The following PRKN variants were observed in gnomAD, a reference collection of about 807,000 sequenced individuals.
The protein encoded by PRKN is E3 ubiquitin-protein ligase parkin.
A neutral mutation model predicts 59.5 loss-of-function variants in PRKN; 56 were observed. That is an observed-to-expected ratio of 0.94 (90% CI 0.76 to 1.18). The LOEUF is 1.18. Among genes scored for constraint, PRKN ranks in the 50% most tolerant of loss-of-function variants. The pLI is 0.00. For missense variants in PRKN, 657 were observed against 596.4 expected (o/e 1.10, Z -1.06); for synonymous variants, 250 against 222.1 (o/e 1.13, Z -1.12).
chr6:162,249,487 T>G (rs1246881296), intron 3 of PRKN, among the ~76,000 whole-genome samples: 1 of 152,186 alleles, frequency 6.6e-6, no homozygotes, highest in Non-Finnish European at 1.5e-5. Flanking sequence ...TCAGGTTTAC[T>G]ACCTGGCTAT....
At chr6:162,401,833 T>C (rs1311999378) in intron 2 of PRKN, among the ~76,000 whole-genome samples, 1 of 152,190 alleles carries the variant, frequency 6.6e-6, no homozygotes, top group East Asian at 1.9e-4. Flanking sequence ...ATAGAATTTA[T>C]CAAAATTGAG....
rs1789608528 is a variant in PRKN, at chr6:161,448,941, A to G, written c.1084-62064T>C. ...AGCCCAGTGTGTTCTCCCCAAGGTC[A>G]CATTAAAAAGGTGGTGCATCTGAGA... is the stretch of plus-strand genomic sequence containing the variant. On this transcript the variant is annotated intron_variant, in intron 9 of 11. Coordinates refer to ENST00000366898, the MANE Select transcript of PRKN (RefSeq NM_004562.3). The surrounding 1 kb of genome is among the most constrained non-coding windows in gnomAD (Gnocchi z 5.1). Among the ~76,000 whole-genome samples the G allele has an allele frequency of 6.6e-6, 1 of 152,222 alleles. No individual in the cohort carries two copies. The highest frequency in any genetic ancestry group is 2.1e-4 in the South Asian group (1 of 4,832).
intron 2 of PRKN, among the ~76,000 whole-genome samples, chr6:162,280,687 A>G (rs868179774): frequency 6.8e-6 from 1 of 147,216 alleles, no homozygotes; most frequent in South Asian, 2.3e-4. Flanking sequence ...GCTACTCGGG[A>G]GGCTGAGGGA....
chr6:161,586,608 A>G (rs868174329), intron 7 of PRKN, among the ~76,000 whole-genome samples: 1 of 152,236 alleles, frequency 6.6e-6, no homozygotes, highest in African/African-American at 2.4e-5. Flanking sequence ...CCACTGAAAA[A>G]AAAATTCTCT....
rs62435932 is a variant in PRKN, at chr6:161,407,213, A to T, written c.1084-20336T>A. Among the ~76,000 whole-genome samples the T allele has an allele frequency of 0.038, 5,758 of 152,310 alleles. 162 individuals are homozygous for T. The highest frequency in any genetic ancestry group is 0.061 in the Middle Eastern group (18 of 294). On this transcript the variant is annotated intron_variant, in intron 9 of 11. Transcript: ENST00000366898. This position sits in a 1 kb window ranked among gnomAD's most constrained non-coding sequence, Gnocchi z 4.9. ...AACAAAAAGTCATACCAAAATTATAACTGCTAAGAGAGATGTTAATGGTAA... is the reference window on the plus strand; with the variant it reads ...AACAAAAAGTCATACCAAAATTATATCTGCTAAGAGAGATGTTAATGGTAA...
At chr6:162,542,593 A>G (rs2846490) in intron 1 of PRKN, among the ~76,000 whole-genome samples, 66,873 of 151,996 alleles carry the variant, frequency 0.44, 17,015 homozygotes, top group Non-Finnish European at 0.58. Context: ...AACAGATCTG[A>G]GGCTCAAATC....
chr6:162,027,116 T>C (rs773896804), intron 5 of PRKN, among the ~76,000 whole-genome samples: 4 of 152,178 alleles, frequency 2.6e-5, no homozygotes, highest in Non-Finnish European at 5.9e-5. Flanking sequence ...CCCTCACTTA[T>C]GACCTCTCTA....
rs1346011135 is a variant in PRKN, at chr6:161,413,985, A to T, written c.1084-27108T>A. Among the ~76,000 whole-genome samples the T allele has an allele frequency of 1.3e-5, 2 of 152,222 alleles. No individual in the cohort carries two copies. Among genetic ancestry groups the T allele is most frequent in the East Asian group, 3.9e-4 (2 of 5,176 alleles). ...AAAGAGATGATAACTCCAGGAAGGA[A>T]GGGGTGCCTGAGAGAAGCAGCCAGG... is the stretch of plus-strand genomic sequence containing the variant. On this transcript the variant is annotated intron_variant, in intron 9 of 11. Transcript: ENST00000366898. This position sits in a 1 kb window ranked among gnomAD's most constrained non-coding sequence, Gnocchi z 4.4.
chr6:161,679,684 C>CCCT (rs531559048), intron 7 of PRKN, among the ~76,000 whole-genome samples: 4 of 84,890 alleles, frequency 4.7e-5, no homozygotes, highest in African/African-American at 8.2e-5. Context: ...ACCCCCCCCC[C>CCCT]TTTTTTTTTT....
Position 161,369,402 on chromosome 6 carries a change from G to A in PRKN, c.1168-9197C>T, listed in dbSNP as rs1338831506. Among the ~76,000 whole-genome samples, 2 of 152,140 alleles carry A rather than the reference G, an allele frequency of 1.3e-5. No homozygotes were observed. Among genetic ancestry groups the A allele is most frequent in the African/African-American group, 2.4e-5 (1 of 41,442 alleles). On this transcript the variant is annotated intron_variant, in intron 10 of 11. Coordinates refer to ENST00000366898, the MANE Select transcript of PRKN (RefSeq NM_004562.3). The surrounding 1 kb of genome is among the most constrained non-coding windows in gnomAD (Gnocchi z 5.8). ...GGGAACCATTCATCCTCTGGAGGGC[G>A]ATTCTCCCTTTGCGCCTGAAGAGGA...
intron 2 of PRKN, among the ~76,000 whole-genome samples, chr6:162,383,335 AC>A (rs1350757891): frequency 6.6e-6 from 1 of 152,194 alleles, no homozygotes; most frequent in African/African-American, 2.4e-5. Context: ...CTACAGAATG[AC>A]CGTTATGTTA....
At chr6:161,916,276 A>G (rs959169791) in intron 6 of PRKN, among the ~76,000 whole-genome samples, 4 of 152,236 alleles carry the variant, frequency 2.6e-5, no homozygotes, top group Non-Finnish European at 5.9e-5. Flanking sequence ...GAGAAACTTA[A>G]GAAGATGGGA....
chr6:161,600,367 C>A (rs1298766515), intron 7 of PRKN, among the ~76,000 whole-genome samples: 1 of 152,176 alleles, frequency 6.6e-6, no homozygotes, highest in Non-Finnish European at 1.5e-5. Flanking sequence ...CTGTTCAAAT[C>A]CATGCTTGCC....
intron 6 of PRKN, among the ~76,000 whole-genome samples, chr6:161,844,517 T>C (rs963794841): frequency 6.6e-6 from 1 of 152,246 alleles, no homozygotes; most frequent in African/African-American, 2.4e-5. Context: ...ATCTACTCTG[T>C]CCATATCCTG....
intron 1 of PRKN, among the ~76,000 whole-genome samples, chr6:162,592,721 C>T (rs1781358132): frequency 1.3e-5 from 2 of 151,972 alleles, no homozygotes; most frequent in African/African-American, 4.8e-5. Flanking sequence ...TCAACCTTGA[C>T]ACAACAGCTT....
chr6:161,567,037 T>TTTTTTG (rs548743646), intron 8 of PRKN, among the ~76,000 whole-genome samples: 78 of 103,788 alleles, frequency 7.5e-4, no homozygotes, highest in African/African-American at 2.8e-3. Flanking sequence ...TTTTTTTTTT[T>TTTTTTG]TGTGTGTGTG....
intron 10 of PRKN, among the ~76,000 whole-genome samples, chr6:161,384,028 G>T (rs572597681): frequency 2.6e-5 from 4 of 152,226 alleles, no homozygotes; most frequent in East Asian, 1.9e-4. Context: ...CTCCTGGGGG[G>T]GTCTAACTGC....
At chr6:161,860,976 T>C (rs1432168254) in intron 6 of PRKN, among the ~76,000 whole-genome samples, 4 of 152,202 alleles carry the variant, frequency 2.6e-5, no homozygotes, top group African/African-American at 7.2e-5. Flanking sequence ...TCTTACACTG[T>C]TGGTGGGAGT....
At chr6:162,461,116 G>A (rs1188376397) in intron 1 of PRKN, among the ~76,000 whole-genome samples, 1 of 151,954 alleles carries the variant, frequency 6.6e-6, no homozygotes, top group Non-Finnish European at 1.5e-5. Flanking sequence ...TGGTGACAGA[G>A]ATATTACAAC....
Sources: allele counts gnomAD v4.1 joint callset (sites outside exome capture counted in the v4.1 genomes callset), GRCh38; gene constraint gnomAD v4.1.1; non-coding constraint Gnocchi (gnomAD v3.1); transcripts MANE v1.5; gene names NCBI Gene and HGNC (gene_info 2026-07-23, HGNC 2026-07-21).